The following ABHD17B variants were observed in gnomAD, a reference collection of about 807,000 sequenced individuals.
ABHD17B encodes the protein abhydrolase domain containing 17B, depalmitoylase, also known as alpha/beta hydrolase domain-containing protein 17B.
A neutral mutation model predicts 26.2 loss-of-function variants in ABHD17B; 9 were observed. The ratio of observed to expected loss-of-function variants is 0.34; its 90% CI spans 0.21 to 0.60. The LOEUF is 0.60. Among genes scored for constraint, ABHD17B ranks in the 20% least tolerant of loss-of-function variants. ABHD17B has a pLI of 0.80. For synonymous variants in ABHD17B, 127 were observed against 122.3 expected (o/e 1.04, Z -0.25); for missense variants, 224 against 352.1 (o/e 0.64, Z 2.91).
chr9:71,896,476 T>C (rs1826958917), intron 1 of ABHD17B, among the ~76,000 whole-genome samples: 1 of 152,104 alleles, frequency 6.6e-6, no homozygotes, highest in Admixed American at 6.6e-5. Context: ...CTAAAAAATA[T>C]CTTGAGTTCT....
At chr9:71,868,087 C>T (rs1165054912) in intron 3 of ABHD17B, among the ~76,000 whole-genome samples, 2 of 150,174 alleles carry the variant, frequency 1.3e-5, no homozygotes, top group African/African-American at 2.4e-5. Flanking sequence ...GGCATGATGG[C>T]GCATGCCTGT....
chr9:71,879,806 G>A (rs977750341), intron 1 of ABHD17B, among the ~76,000 whole-genome samples: 1 of 152,010 alleles, frequency 6.6e-6, no homozygotes, highest in African/African-American at 2.4e-5. Flanking sequence ...CTGCTTTAGG[G>A]ACTATTATTA....
chr9:71,902,685 T>G (rs1252019750), intron 1 of ABHD17B: 1 of 152,224 alleles, frequency 6.6e-6, no homozygotes, highest in African/African-American at 2.4e-5. Flanking sequence ...ATAACTGATA[T>G]GCAGAGAATA....
chr9:71,889,663 A>C (rs943745845), intron 1 of ABHD17B, among the ~76,000 whole-genome samples: 2 of 152,172 alleles, frequency 1.3e-5, no homozygotes, highest in Non-Finnish European at 2.9e-5. Flanking sequence ...AGCGACATGG[A>C]AGTAAACACC....
intron 1 of ABHD17B, among the ~76,000 whole-genome samples, chr9:71,907,556 C>T (rs2132218575): frequency 6.6e-6 from 1 of 152,186 alleles, no homozygotes. Context: ...TTGCTGCCCA[C>T]GCTGGAGTGC....
intron 1 of ABHD17B, among the ~76,000 whole-genome samples, chr9:71,910,202 G>A (rs1030720478): frequency 6.6e-6 from 1 of 152,088 alleles, no homozygotes; most frequent in African/African-American, 2.4e-5. Flanking sequence ...TTAGGCACCC[G>A]CGAATCTCTC....
intron 1 of ABHD17B, among the ~76,000 whole-genome samples, chr9:71,900,128 C>G (rs900155514): frequency 6.6e-6 from 1 of 152,120 alleles, no homozygotes; most frequent in Non-Finnish European, 1.5e-5. Flanking sequence ...ATTAAGATTG[C>G]CTTTTCTATC....
At chr9:71,863,653 T>A (rs145132328), downstream of ABHD17B, among the ~76,000 whole-genome samples, 1 of 152,206 alleles carries the variant, frequency 6.6e-6, no homozygotes, top group East Asian at 1.9e-4. Flanking sequence ...AAGATACTCA[T>A]TAATGCTTAG....
chr9:71,874,631 C>T lies in ABHD17B; in HGVS notation c.450G>A (p.Trp150Ter). 1 of 1,585,362 alleles carries T rather than the reference C, an allele frequency of 6.3e-7. No homozygotes were observed. Among genetic ancestry groups the T allele is most frequent in the Non-Finnish European group, 8.6e-7 (1 of 1,165,056 alleles). Residue 150 changes from tryptophan to a stop codon, truncating the protein, a stop_gained, in exon 2 of 4, where the codon TGG becomes TGA. Coordinates refer to ENST00000333421, the MANE Select transcript of ABHD17B (RefSeq NM_001025780.3). LOFTEE classifies it high-confidence loss of function. Reference sequence around the variant, plus strand: ...CAATTTACCTTGTCCTAAGAGCAAGCCAAGCAGCTTCAATGTCTGCATAGA... The same window carrying T: ...CAATTTACCTTGTCCTAAGAGCAAGTCAAGCAGCTTCAATGTCTGCATAGA... Reference protein sequence around the residue: ...KNLYADIEAAWLALRTRYGIR... With the variant: ...KNLYADIEAA
At chr9:71,863,554 C>T (rs1276977980), downstream of ABHD17B, among the ~76,000 whole-genome samples, 2 of 152,206 alleles carry the variant, frequency 1.3e-5, no homozygotes, top group Non-Finnish European at 2.9e-5. Flanking sequence ...ACACACAGTA[C>T]ATCTAGTTCG....
intron 1 of ABHD17B, among the ~76,000 whole-genome samples, chr9:71,894,297 T>C (rs1382906343): frequency 6.6e-6 from 1 of 152,148 alleles, no homozygotes; most frequent in Non-Finnish European, 1.5e-5. Flanking sequence ...ATAACCAATT[T>C]GTGTATACAT....
rs1236045479 is a variant in ABHD17B, at chr9:71,865,616, G to A, written c.*1171C>T. 1.2e-5 allele frequency: 12 copies of A among 966,758 alleles called. No homozygotes were observed. The highest frequency in any genetic ancestry group is 4.8e-5 in the South Asian group (1 of 20,864). 59.9% of individuals were successfully genotyped at this position (966,758 alleles called of 1,614,324 possible). A position where few individuals can be genotyped will look rare whatever the true frequency, so the allele number is the denominator to read the frequency against. On this transcript the variant is annotated 3_prime_UTR_variant, in exon 4 of 4. Coordinates refer to ENST00000333421, the MANE Select transcript of ABHD17B (RefSeq NM_001025780.3). ...CGCAGTGGCTCATGCCTGTAATTCC[G>A]ACACTTTGGGAGGCCAAGGGCAGAT...
At chr9:71,906,784 C>T (rs1177532786) in intron 1 of ABHD17B, among the ~76,000 whole-genome samples, 2 of 148,318 alleles carry the variant, frequency 1.3e-5, no homozygotes, top group South Asian at 2.2e-4. Context: ...TCCAGAGATC[C>T]TGTCTTTTAC....
At chr9:71,869,531 A>C (rs1473813212) in intron 3 of ABHD17B, among the ~76,000 whole-genome samples, 1 of 152,190 alleles carries the variant, frequency 6.6e-6, no homozygotes, top group African/African-American at 2.4e-5. Context: ...TTCCTTTCAA[A>C]TACATCTAAG....
At chr9:71,879,224 G>C (rs1319278277) in intron 1 of ABHD17B, among the ~76,000 whole-genome samples, 1 of 152,156 alleles carries the variant, frequency 6.6e-6, no homozygotes, top group Non-Finnish European at 1.5e-5. Flanking sequence ...TCTGAGATAT[G>C]AGAAATAAAG....
At chr9:71,868,312 C>G (rs1468491788) in intron 3 of ABHD17B, among the ~76,000 whole-genome samples, 1 of 152,176 alleles carries the variant, frequency 6.6e-6, no homozygotes. Flanking sequence ...TCTTGATTGT[C>G]TGCTTATATG....
rs144864643 is a variant in ABHD17B at position 71,883,393 on chromosome 9, C to T, written c.-3-8310G>A. Reference sequence around the variant, plus strand: ...CTAGTAACAGAGCTTATGAATAAACCCCTATGTGAATGGGACTAGGGATTG... The same window carrying T: ...CTAGTAACAGAGCTTATGAATAAACTCCTATGTGAATGGGACTAGGGATTG... On this transcript the variant is annotated intron_variant, in intron 1 of 3. Coordinates refer to ENST00000333421, the MANE Select transcript of ABHD17B (RefSeq NM_001025780.3). Among the ~76,000 whole-genome samples the T allele has an allele frequency of 1.4e-3, 213 of 152,128 alleles. 1 individual carries two copies. The highest frequency in any genetic ancestry group is 5.0e-3 in the African/African-American group (208 of 41,490).
chr9:71,881,803 T>C lies in ABHD17B; in HGVS notation c.-3-6720A>G, dbSNP rs1379350458. 3.3e-5 allele frequency among the ~76,000 whole-genome samples: 5 copies of C among 151,856 alleles called. No homozygotes were observed. In the East Asian group the frequency reaches 9.7e-4, roughly 29 times the overall value. On this transcript the variant is annotated intron_variant, in intron 1 of 3. Coordinates refer to ENST00000333421, the MANE Select transcript of ABHD17B (RefSeq NM_001025780.3). ...CGGGAGGCTGAGGCAGAAGAATCAC[T>C]TGAACACGGGAGGTGGAGGTTGTAG...
intron 1 of ABHD17B, among the ~76,000 whole-genome samples, chr9:71,901,789 A>G (rs1827150770): frequency 1.3e-5 from 2 of 152,126 alleles, no homozygotes; most frequent in African/African-American, 4.8e-5. Context: ...TAGCTCAACG[A>G]CTTTTCAATG....
Sources: gnomAD v4.1 joint callset for allele counts (sites outside exome capture counted in the v4.1 genomes callset) on GRCh38, gnomAD v4.1.1 for gene constraint, MANE v1.5 for transcripts, NCBI Gene and HGNC (gene_info 2026-07-23, HGNC 2026-07-21) for gene names.